The following ADSS2 variants were observed in gnomAD, a reference collection of about 807,000 sequenced individuals.
The protein encoded by ADSS2 is adenylosuccinate synthetase isozyme 2.
ADSS2 carries 30 observed loss-of-function variants against 60.0 expected under a neutral mutation model. That is an observed-to-expected ratio of 0.50 (90% CI 0.37 to 0.68). The LOEUF (loss-of-function observed/expected upper bound fraction) is 0.68, where lower values mean the gene tolerates loss of function less well. Ranked by LOEUF, ADSS2 falls within the 30% of genes least tolerant of loss-of-function variation. ADSS2 has a pLI of 0.00. For synonymous variants in ADSS2, 187 were observed against 193.1 expected (o/e 0.97, Z 0.26); for missense variants, 373 against 554.8 (o/e 0.67, Z 3.29).
At chr1:244,420,020 G>C in intron 8 of ADSS2, 150 bp downstream of exon 8, 1 of 712,946 alleles carries the variant, frequency 1.4e-6, no homozygotes. Flanking sequence ...CCTTTAAAAA[G>C]AGTGCCACAA....
Position 244,451,197 on chromosome 1 carries a change from G to T in ADSS2, c.183+438C>A, listed in dbSNP as rs974998040. On this transcript the variant is annotated intron_variant, in intron 1 of 12. Transcript: ENST00000366535. This position sits in a 1 kb window ranked among gnomAD's most constrained non-coding sequence, Gnocchi z 6.6. ...CACTCCGCCGCCCTGGGCGGGGCGGGGGGGCGGTGATGGGGGGTTCTGCCG... is the reference window on the plus strand; with the variant it reads ...CACTCCGCCGCCCTGGGCGGGGCGGTGGGGCGGTGATGGGGGGTTCTGCCG... 2.0e-5 allele frequency among the ~76,000 whole-genome samples: 3 copies of T among 152,052 alleles called. No individual in the cohort carries two copies. Among genetic ancestry groups the T allele is most frequent in the African/African-American group, 7.2e-5 (3 of 41,424 alleles).
intron 3 of ADSS2, among the ~76,000 whole-genome samples, chr1:244,433,339 C>T (rs1264439890): frequency 6.6e-6 from 1 of 152,218 alleles, no homozygotes; most frequent in Non-Finnish European, 1.5e-5. Context: ...AGTTTTCTCA[C>T]ATGTCATTCA....
At position 244,451,322 on chromosome 1, in the gene ADSS2, T is replaced by C. The variant is rs1255686918; in HGVS notation, c.183+313A>G. On this transcript the variant is annotated intron_variant, in intron 1 of 12. Coordinates refer to ENST00000366535, the MANE Select transcript of ADSS2 (RefSeq NM_001126.5). The surrounding 1 kb of genome is among the most constrained non-coding windows in gnomAD (Gnocchi z 6.6). Reference sequence around the variant, plus strand: ...CATCCCACCTCCACCCCGGCCTCAGTCCCGGCGCTGAGCACCACTCGCCAG... The same window carrying C: ...CATCCCACCTCCACCCCGGCCTCAGCCCCGGCGCTGAGCACCACTCGCCAG... 2.0e-5 allele frequency among the ~76,000 whole-genome samples: 3 copies of C among 152,072 alleles called. No individual in the cohort carries two copies. The highest frequency in any genetic ancestry group is 2.0e-4 in the Admixed American group (3 of 15,272).
At chr1:244,414,095 A>G (rs1461000707) in intron 11 of ADSS2, among the ~76,000 whole-genome samples, 1 of 152,144 alleles carries the variant, frequency 6.6e-6, no homozygotes, top group Non-Finnish European at 1.5e-5. Context: ...TGATCAGTGA[A>G]TAATTCAATC....
chr1:244,443,257 G>A lies in ADSS2; in HGVS notation c.184-5489C>T, dbSNP rs184066963. On this transcript the variant is annotated intron_variant, in intron 1 of 12. Coordinates refer to ENST00000366535, the MANE Select transcript of ADSS2 (RefSeq NM_001126.5). ...ACTTGGTAAGTTATCTCCCACAAAT[G>A]TATTAGTCTTATAATCACATTAACA... is the stretch of plus-strand genomic sequence containing the variant. 1.5e-4 allele frequency among the ~76,000 whole-genome samples: 23 copies of A among 152,222 alleles called. 1 individual carries two copies. The highest frequency in any genetic ancestry group is 1.1e-3 in the Admixed American group (17 of 15,288).
intron 11 of ADSS2, among the ~76,000 whole-genome samples, chr1:244,413,493 A>G (rs115652379): frequency 0.035 from 5,302 of 152,316 alleles, 116 homozygotes; most frequent in Middle Eastern, 0.082. Flanking sequence ...CTTTCTGCCT[A>G]GGGACCATTT....
chr1:244,427,235 A>T (rs937516894), intron 4 of ADSS2, among the ~76,000 whole-genome samples: 3 of 152,150 alleles, frequency 2.0e-5, no homozygotes, highest in African/African-American at 4.8e-5. Flanking sequence ...AAGTTTCCTT[A>T]AAAAAATCAA....
chr1:244,423,238 T>C lies in ADSS2; in HGVS notation c.582-322A>G, dbSNP rs73129715. 5.3e-3 allele frequency among the ~76,000 whole-genome samples: 813 copies of C among 152,336 alleles called. 14 individuals carry two copies. Among genetic ancestry groups the C allele is most frequent in the African/African-American group, 0.018 (732 of 41,572 alleles). On this transcript the variant is annotated intron_variant, in intron 6 of 12. Transcript: ENST00000366535. ...TAAATCTGAATTAACTGTATTATAC[T>C]GTACAACAACAAAAGGGGGCAGTTT...
Position 244,437,673 on chromosome 1 carries a change from T to C in ADSS2, c.279A>G (p.Ala93=). 1 of 1,576,248 alleles carries C rather than the reference T, an allele frequency of 6.3e-7. No individual in the cohort carries two copies. The highest frequency in any genetic ancestry group is 1.1e-5 in the South Asian group (1 of 90,270). ...TTCAGTTTATATACTTACCAATGAA[T>C]GCAGTGACATTTGGATTAATTATTC... The part of the protein sequence containing the change: ...PSGIINPNVT[A]FIGNGVVIHL... Residue 93 remains alanine (A), a synonymous_variant, in exon 2 of 13, where the codon GCA becomes GCG. Coordinates refer to ENST00000366535, the MANE Select transcript of ADSS2 (RefSeq NM_001126.5).
Position 244,432,575 on chromosome 1 carries a change from T to C in ADSS2, c.376A>G (p.Arg126Gly). 1 of 1,576,398 alleles carries C rather than the reference T, an allele frequency of 6.3e-7. No individual in the cohort carries two copies. Among genetic ancestry groups the C allele is most frequent in the African/African-American group, 1.4e-5 (1 of 73,200 alleles). ...KGKGLEGWEK[R>G]LIISDRAHIV... The stretch of plus-strand genomic sequence containing the variant: ...TGAGCTCTGTCAGATATAATAAGCC[T>C]TTTTTCCCAGCCTTCTAGTCCTAGA... The change falls in exon 4 of 13, where the codon AGG becomes GGG. Residue 126 changes from arginine (R) to glycine (G), a missense_variant. This residue lies in a region of ADSS2 where 139 missense variants were observed against 189.4 expected (regional missense o/e 0.73). Transcript: ENST00000366535.
chr1:244,413,292 C>T (rs1025598398), intron 11 of ADSS2, among the ~76,000 whole-genome samples: 3 of 152,128 alleles, frequency 2.0e-5, no homozygotes, highest in African/African-American at 4.8e-5. Flanking sequence ...GTAGGTATGC[C>T]GGAACTGCTG....
intron 9 of ADSS2, 120 bp from the exon 10 acceptor site, chr1:244,417,872 T>C: frequency 1.1e-6 from 1 of 909,912 alleles, no homozygotes; most frequent in Non-Finnish European, 1.6e-6. Flanking sequence ...AGGTAATAAC[T>C]AAATTGAAGA....
intron 4 of ADSS2, chr1:244,424,719 C>T: frequency 4.5e-6 from 1 of 220,424 alleles, no homozygotes; most frequent in Admixed American, 5.3e-5. Context: ...CTCCAAGAAT[C>T]TAGGGCTCAT....
intron 1 of ADSS2, among the ~76,000 whole-genome samples, chr1:244,444,514 C>CAAAAAAAAAAAAAAAAAAAAAAAAAA (rs56001597): frequency 1.9e-4 from 8 of 42,550 alleles, no homozygotes; most frequent in Non-Finnish European, 3.4e-4. Context: ...GACTCCATCT[C>CAAAAAAAAAAAAAAAAAAAAAAAAAA]AAAAAAAAAA....
At chr1:244,411,733 C>T (rs1469050921) in intron 11 of ADSS2, among the ~76,000 whole-genome samples, 1 of 152,196 alleles carries the variant, frequency 6.6e-6, no homozygotes, top group Non-Finnish European at 1.5e-5. Flanking sequence ...ATCTGGGTGC[C>T]AAACTTAAAA....
chr1:244,429,133 T>C (rs4132572), intron 4 of ADSS2, among the ~76,000 whole-genome samples: 18,132 of 152,190 alleles, frequency 0.12, 1,366 homozygotes, highest in African/African-American at 0.19. Flanking sequence ...TAAAATTCTT[T>C]CCTTTGTGGA....
In ADSS2 at chr1:244,451,124, G is replaced by A. The variant is rs1198992904; in HGVS notation, c.183+511C>T. Among the ~76,000 whole-genome samples the A allele has an allele frequency of 6.6e-6, 1 of 152,188 alleles. No homozygotes were observed. Among genetic ancestry groups the A allele is most frequent in the Non-Finnish European group, 1.5e-5 (1 of 68,026 alleles). The stretch of plus-strand genomic sequence containing the variant: ...CACTGCATGCCACGGTCCTGCAGAT[G>A]GGGGATCGGTGAGTCTGATTTCAGG... On this transcript the variant is annotated intron_variant, in intron 1 of 12. Transcript: ENST00000366535. The surrounding 1 kb of genome is among the most constrained non-coding windows in gnomAD (Gnocchi z 6.6).
At chr1:244,439,350 T>C (rs898844055) in intron 1 of ADSS2, among the ~76,000 whole-genome samples, 5 of 152,222 alleles carry the variant, frequency 3.3e-5, no homozygotes, top group South Asian at 4.1e-4. Context: ...TCAAGGCTCA[T>C]GGGCTTTTTA....
At chr1:244,419,987 T>C (rs1046866223) in intron 8 of ADSS2, among the ~76,000 whole-genome samples, 183 bp downstream of exon 8, 4 of 152,194 alleles carry the variant, frequency 2.6e-5, no homozygotes, top group African/African-American at 7.2e-5. Flanking sequence ...ACGTAACACA[T>C]GTATTGTGTG....
Sources: allele counts gnomAD v4.1 joint callset (sites outside exome capture counted in the v4.1 genomes callset), GRCh38; gene constraint gnomAD v4.1.1; regional missense constraint gnomAD v4.1.1; non-coding constraint Gnocchi (gnomAD v3.1); transcripts MANE v1.5; gene names NCBI Gene and HGNC (gene_info 2026-07-23, HGNC 2026-07-21).